The following OPRM1 variants were observed in gnomAD, a reference collection of about 807,000 sequenced individuals.
OPRM1 encodes opioid receptor mu 1.
Under a neutral mutation model 31.8 loss-of-function variants are expected in OPRM1, and 27 were observed. The ratio of observed to expected loss-of-function variants is 0.85; its 90% CI spans 0.63 to 1.17. OPRM1 has a LOEUF of 1.17. Among genes scored for constraint, OPRM1 ranks in the 50% most tolerant of loss-of-function variants. The probability of loss-of-function intolerance (pLI) is 0.00; values close to 1 mark genes in which losing one functional copy is unlikely to be tolerated. For synonymous variants in OPRM1, 196 were observed against 189.9 expected (o/e 1.03, Z -0.26); for missense variants, 536 against 511.1 (o/e 1.05, Z -0.47).
rs76616097 is a variant in OPRM1, at chr6:154,241,677, C to T, written c.1165-5016C>T. Among the ~76,000 whole-genome samples the T allele has an allele frequency of 5.7e-3, 864 of 152,280 alleles. 18 individuals are homozygous for T. Among genetic ancestry groups the T allele is most frequent in the East Asian group, 0.026 (134 of 5,184 alleles). ...TCTAGTCCAGGAGCTCATGTCTGAA[C>T]GCCTGCATTTTCTCACCATCTCCTA... is the stretch of plus-strand genomic sequence containing the variant. On this transcript the variant is annotated intron_variant, in intron 3 of 3. Transcript: ENST00000337049.
chr6:154,168,258 T>G lies in OPRM1; in HGVS notation c.1164+76786T>G. On this transcript the variant is annotated intron_variant, in intron 3 of 3. Coordinates refer to the OPRM1 transcript ENST00000337049. This position sits in a 1 kb window ranked among gnomAD's most constrained non-coding sequence, Gnocchi z 4.1. ...CCGGAACTGAAAGACAATAAATGTT[T>G]GCTGTCTAAGCCACCCAGTTTGCGA... 6.6e-6 allele frequency: 4 copies of G among 607,962 alleles called. No homozygotes were observed. The highest frequency in any genetic ancestry group is 1.1e-5 in the Non-Finnish European group (4 of 369,166). The allele number at this position is 607,962 out of a possible 1,614,324, so 37.7% of individuals were successfully genotyped here.
intron 3 of OPRM1, among the ~76,000 whole-genome samples, chr6:154,211,703 A>T (rs9479792): frequency 6.6e-6 from 1 of 152,300 alleles, no homozygotes; most frequent in East Asian, 1.9e-4. Context: ...GGAACAGTTT[A>T]AAAAAGATTA....
intron 3 of OPRM1, among the ~76,000 whole-genome samples, chr6:154,202,223 T>G (rs78840385): frequency 0.028 from 4,239 of 152,260 alleles, 203 homozygotes; most frequent in African/African-American, 0.097. Context: ...ACATATCTTC[T>G]CAATAATCAT....
At chr6:154,164,402 T>C (rs1353932688) in intron 3 of OPRM1, among the ~76,000 whole-genome samples, 1 of 152,140 alleles carries the variant, frequency 6.6e-6, no homozygotes, top group Non-Finnish European at 1.5e-5. Context: ...TAGACAATAA[T>C]ACAGAAGAAG....
intron 3 of OPRM1, among the ~76,000 whole-genome samples, chr6:154,151,421 A>G (rs1172248931): frequency 6.6e-6 from 1 of 152,174 alleles, no homozygotes; most frequent in Non-Finnish European, 1.5e-5. Context: ...CAAGGGCAAA[A>G]GAGGGGCAGG....
chr6:154,061,022 T>G (rs991799302), intron 1 of OPRM1, among the ~76,000 whole-genome samples: 2 of 152,166 alleles, frequency 1.3e-5, no homozygotes, highest in African/African-American at 4.8e-5. Context: ...GGTAGTAAAA[T>G]TTGTGAATTT....
intron 1 of OPRM1, among the ~76,000 whole-genome samples, chr6:154,071,089 T>C (rs1254788911): frequency 6.6e-6 from 1 of 152,212 alleles, no homozygotes; most frequent in Non-Finnish European, 1.5e-5. Flanking sequence ...TTCACTTTGA[T>C]AACTTCTAGA....
chr6:154,227,372 C>T (rs1401375145), intron 3 of OPRM1, among the ~76,000 whole-genome samples: 1 of 152,034 alleles, frequency 6.6e-6, no homozygotes, highest in Non-Finnish European at 1.5e-5. Context: ...ACAAATCAAT[C>T]AACAAAAATG....
At chr6:154,182,842 A>T (rs778561050) in intron 3 of OPRM1, among the ~76,000 whole-genome samples, 55 of 152,184 alleles carry the variant, frequency 3.6e-4, no homozygotes, top group Non-Finnish European at 5.6e-4. Flanking sequence ...TAAAAATGAA[A>T]ATTTTAGAAA....
At chr6:154,057,751 A>G (rs909626666) in intron 1 of OPRM1, among the ~76,000 whole-genome samples, 1 of 152,194 alleles carries the variant, frequency 6.6e-6, no homozygotes, top group Non-Finnish European at 1.5e-5. Flanking sequence ...TTGTAGGAAG[A>G]AAATCTCAGG....
chr6:154,238,913 T>C (rs935836796), intron 3 of OPRM1, among the ~76,000 whole-genome samples: 5 of 151,722 alleles, frequency 3.3e-5, no homozygotes, highest in Non-Finnish European at 7.4e-5. Context: ...AGTTGGATTC[T>C]ATATTGTTGT....
intron 3 of OPRM1, chr6:154,093,523 T>C (rs991734068): frequency 5.7e-6 from 9 of 1,584,226 alleles, no homozygotes; most frequent in Non-Finnish European, 7.7e-6. Flanking sequence ...AGTATGGCTA[T>C]TGTACAGCCA....
At chr6:154,015,745 A>G (rs1212174440) in intron 1 of OPRM1, among the ~76,000 whole-genome samples, 2 of 152,074 alleles carry the variant, frequency 1.3e-5, no homozygotes, top group Admixed American at 6.6e-5. Flanking sequence ...GCTAAGTGCT[A>G]TATCTCTAAT....
chr6:154,068,872 C>A (rs572820123), intron 1 of OPRM1, among the ~76,000 whole-genome samples: 7 of 152,218 alleles, frequency 4.6e-5, no homozygotes, highest in Admixed American at 1.3e-4. Flanking sequence ...CACCACTTAC[C>A]TTTTGTATTT....
chr6:154,090,952 G>T lies in OPRM1; in HGVS notation c.644G>T (p.Gly215Val), dbSNP rs202211710. 1.2e-5 allele frequency: 19 copies of T among 1,609,844 alleles called. No homozygotes were observed. Among genetic ancestry groups the T allele is most frequent in the South Asian group, 3.3e-5 (3 of 90,426 alleles). The change falls in exon 3 of 4, where the codon GGT (glycine) becomes GTT (valine). Residue 215 changes from glycine to valine, a missense_variant and splice_region_variant. By Grantham distance (109) the Gly-to-Val change is moderately radical (BLOSUM62 -3). Transcript: ENST00000330432. ...MFMATTKYRQ[G>V]SIDCTLTFSH... ...TTTCCTTTAAATTCCTTTCTTCTAG[G>T]TTCCATAGATTGTACACTAACATTC...
Position 154,118,604 on chromosome 6 carries a change from C to G in OPRM1, c.1165-79C>G, listed in dbSNP as rs17174949. The G allele has an allele frequency of 2.7e-5, 37 of 1,390,248 alleles. 1 individual carries two copies. In the South Asian group the frequency reaches 4.4e-4, roughly 17 times the overall value. The allele number at this position is 1,390,248 out of a possible 1,614,324, so 86.1% of individuals were successfully genotyped here. ...ATGAAGGTCTTCAATGCAGTTCTTA[C>G]GAGCAGAAGATGCTCAACAAATGTG... On this transcript the variant is annotated intron_variant, in intron 3 of 3. Transcript: ENST00000330432.
At chr6:154,185,963 T>C (rs927692983) in intron 3 of OPRM1, among the ~76,000 whole-genome samples, 17 of 152,232 alleles carry the variant, frequency 1.1e-4, no homozygotes, top group African/African-American at 4.1e-4. Flanking sequence ...ACCCTTTTGG[T>C]TCCCCTTCTC....
chr6:154,014,821 A>G (rs1172557977), intron 1 of OPRM1, among the ~76,000 whole-genome samples: 1 of 152,196 alleles, frequency 6.6e-6, no homozygotes, highest in African/African-American at 2.4e-5. Context: ...TTAAACAATA[A>G]GAGAATTGAA....
intron 1 of OPRM1, among the ~76,000 whole-genome samples, chr6:154,015,295 CAGAG>C (rs1203939637): frequency 6.6e-6 from 1 of 151,954 alleles, no homozygotes; most frequent in Non-Finnish European, 1.5e-5. Context: ...TGTAAAAAGA[CAGAG>C]AGACTAATGG....
Sources: gnomAD v4.1 joint callset for allele counts (sites outside exome capture counted in the v4.1 genomes callset) on GRCh38, gnomAD v4.1.1 for gene constraint, Gnocchi (gnomAD v3.1) non-coding constraint, MANE v1.5 for transcripts, NCBI Gene and HGNC (gene_info 2026-07-23, HGNC 2026-07-21) for gene names.